The following CDC40 variants were observed in gnomAD, a reference collection of about 807,000 sequenced individuals.
The protein encoded by CDC40 is cell division cycle 40.
Under a neutral mutation model 80.6 loss-of-function variants are expected in CDC40, and 27 were observed. That is an observed-to-expected ratio of 0.33 (90% CI 0.25 to 0.46). The LOEUF is 0.46. Among genes scored for constraint, CDC40 ranks in the 20% least tolerant of loss-of-function variants. The pLI, the probability that CDC40 is intolerant of heterozygous loss-of-function variation, is 1.00. For synonymous variants in CDC40, 221 were observed against 232.6 expected, an observed-to-expected ratio of 0.95 and a Z score of 0.45; for missense variants, 486 against 694.1, an observed-to-expected ratio of 0.70 and a Z score of 3.37.
rs1410057900 is a variant in CDC40 at position 110,232,038 on chromosome 6, A to C, written c.*1907A>C. ...ACAAATGTGAATTATTGAAATGTGAAGGGACAAAAAGAATCATACATTTAA... is the reference window on the plus strand; with the variant it reads ...ACAAATGTGAATTATTGAAATGTGACGGGACAAAAAGAATCATACATTTAA... On this transcript the variant is annotated 3_prime_UTR_variant, in exon 15 of 15. Transcript: ENST00000307731. 1 of 148,558 alleles carries C rather than the reference A, an allele frequency of 6.7e-6. No homozygotes were observed. Among genetic ancestry groups the C allele is most frequent in the Non-Finnish European group, 1.5e-5 (1 of 67,306 alleles). The allele number at this position is 148,558 out of a possible 1,614,324, so 9.2% of individuals were successfully genotyped here.
chr6:110,191,467 TTG>T (rs1777348437), intron 1 of CDC40, among the ~76,000 whole-genome samples: 1 of 152,200 alleles, frequency 6.6e-6, no homozygotes, highest in Non-Finnish European at 1.5e-5. Context: ...AAAATCCGCC[TTG>T]TGTAGTTTAC....
chr6:110,186,677 TTTC>T (rs1236880461), intron 1 of CDC40, among the ~76,000 whole-genome samples: 2 of 152,176 alleles, frequency 1.3e-5, no homozygotes, highest in Non-Finnish European at 1.5e-5. Flanking sequence ...TGAAAGTGAT[TTTC>T]TTTTTTCTTT....
At chr6:110,210,288 G>T (rs141563123) in intron 5 of CDC40, among the ~76,000 whole-genome samples, 211 of 151,854 alleles carry the variant, frequency 1.4e-3, no homozygotes, top group Admixed American at 4.3e-3. Flanking sequence ...GCTTGGCCGG[G>T]CCTGTAAGCC....
intron 12 of CDC40, chr6:110,224,334 T>C (rs1777823382): frequency 6.6e-6 from 1 of 152,202 alleles, no homozygotes; most frequent in Non-Finnish European, 1.5e-5. Context: ...AGTTACTAGC[T>C]TATTATACTG....
At chr6:110,213,184 G>A (rs1777658460) in intron 8 of CDC40, 24 bp downstream of exon 8, 2 of 1,396,072 alleles carry the variant, frequency 1.4e-6, no homozygotes, top group African/African-American at 2.8e-5. Context: ...AACAGAGTAG[G>A]AGTGCTGCAA....
At chr6:110,229,692 A>AGATTGTG (rs1215934414) in intron 14 of CDC40, among the ~76,000 whole-genome samples, 14 of 152,098 alleles carry the variant, frequency 9.2e-5, no homozygotes, top group African/African-American at 2.4e-5. Flanking sequence ...CTGATTGTGT[A>AGATTGTG]ACCTCATTCA....
chr6:110,208,566 T>A (rs1777592929), intron 4 of CDC40, among the ~76,000 whole-genome samples: 1 of 152,164 alleles, frequency 6.6e-6, no homozygotes, highest in Admixed American at 6.5e-5. Context: ...TGGTGAAACC[T>A]TGTTTGATTT....
chr6:110,219,512 T>A, intron 11 of CDC40, 33 bp downstream of exon 11: 1 of 1,264,328 alleles, frequency 7.9e-7, no homozygotes, highest in Non-Finnish European at 1.2e-6. Flanking sequence ...TTAAGACTCC[T>A]AAGCTTTATG....
intron 1 of CDC40, among the ~76,000 whole-genome samples, chr6:110,185,646 A>G (rs1035736189): frequency 6.6e-6 from 1 of 152,274 alleles, no homozygotes. Context: ...ATTAGTCTCA[A>G]CAGATTTAAA....
chr6:110,207,237 C>A (rs1368839691), intron 3 of CDC40, among the ~76,000 whole-genome samples: 1 of 150,962 alleles, frequency 6.6e-6, no homozygotes, highest in Non-Finnish European at 1.5e-5. Flanking sequence ...ATTGCTTGAG[C>A]CTGGAAGGCG....
intron 2 of CDC40, among the ~76,000 whole-genome samples, chr6:110,201,222 G>A (rs1359423373): frequency 6.6e-6 from 1 of 152,186 alleles, no homozygotes; most frequent in African/African-American, 2.4e-5. Flanking sequence ...GGAAACTATA[G>A]TAACTCTCAA....
At chr6:110,221,918 A>G (rs1198646955) in intron 12 of CDC40, among the ~76,000 whole-genome samples, 1 of 151,592 alleles carries the variant, frequency 6.6e-6, no homozygotes, top group Non-Finnish European at 1.5e-5. Flanking sequence ...ACTCCTAAAA[A>G]GTCATGATAC....
intron 2 of CDC40, among the ~76,000 whole-genome samples, chr6:110,198,335 C>G (rs535315535): frequency 6.6e-6 from 1 of 152,030 alleles, no homozygotes; most frequent in Non-Finnish European, 1.5e-5. Flanking sequence ...ACCACCATGC[C>G]TAGCTAATTT....
chr6:110,208,388 C>G (rs2114661998), intron 4 of CDC40, among the ~76,000 whole-genome samples: 1 of 152,262 alleles, frequency 6.6e-6, no homozygotes, highest in African/African-American at 2.4e-5. Context: ...TATGATTCCA[C>G]AAACCTTTCT....
At chr6:110,221,168 G>A (rs1161823014) in intron 12 of CDC40, among the ~76,000 whole-genome samples, 5 of 152,038 alleles carry the variant, frequency 3.3e-5, no homozygotes, top group East Asian at 1.9e-4. Context: ...TTGTTAAAAC[G>A]AATGATTGGA....
At chr6:110,213,571 A>G (rs1166730901) in intron 8 of CDC40, among the ~76,000 whole-genome samples, 7 of 151,826 alleles carry the variant, frequency 4.6e-5, no homozygotes, top group African/African-American at 1.5e-4. Flanking sequence ...AGCTTAGACA[A>G]CTGATGAGAA....
chr6:110,221,795 G>C (rs907486200), intron 12 of CDC40, among the ~76,000 whole-genome samples: 5 of 151,854 alleles, frequency 3.3e-5, no homozygotes, highest in African/African-American at 1.2e-4. Context: ...ATGTGTATGT[G>C]GGTATTCTGA....
At chr6:110,208,208 A>G (rs1393793275) in intron 4 of CDC40, among the ~76,000 whole-genome samples, 1 of 152,206 alleles carries the variant, frequency 6.6e-6, no homozygotes, top group African/African-American at 2.4e-5. Flanking sequence ...TATAGATCCT[A>G]TGTGATCTGG....
chr6:110,208,883 T>A (rs557810988), intron 4 of CDC40, among the ~76,000 whole-genome samples: 54 of 152,272 alleles, frequency 3.5e-4, no homozygotes, highest in African/African-American at 1.3e-3. Context: ...GCCCAGAAGG[T>A]TGAATCCCTT....
Sources: gnomAD v4.1 joint callset for allele counts (sites outside exome capture counted in the v4.1 genomes callset) on GRCh38, gnomAD v4.1.1 for gene constraint, MANE v1.5 for transcripts, NCBI Gene and HGNC (gene_info 2026-07-23, HGNC 2026-07-21) for gene names.